TPD52: variants seen among roughly 807,000 people sequenced by gnomAD.
The protein encoded by TPD52 is tumor protein D52.
Under a neutral mutation model 31.3 loss-of-function variants are expected in TPD52, and 17 were observed. The observed-to-expected ratio is 0.54, with a 90% CI of 0.37 to 0.82. The LOEUF (loss-of-function observed/expected upper bound fraction) is 0.82. Among genes scored for constraint, TPD52 ranks in the 40% least tolerant of loss-of-function variants. The pLI is 0.00. For missense variants in TPD52, 212 were observed against 240.1 expected, an observed-to-expected ratio of 0.88 and a Z score of 0.77; for synonymous variants, 83 against 89.6, an observed-to-expected ratio of 0.93 and a Z score of 0.42.
chr8:80,135,187 T>C (rs1809304962), intron 1 of TPD52, among the ~76,000 whole-genome samples: 1 of 152,208 alleles, frequency 6.6e-6, no homozygotes, highest in Non-Finnish European at 1.5e-5. Flanking sequence ...CTAGTCTAGA[T>C]GTACACACGG....
At chr8:80,163,894 TCTTATTATCAA>T (rs769511228) in intron 1 of TPD52, among the ~76,000 whole-genome samples, 13 of 152,080 alleles carry the variant, frequency 8.5e-5, no homozygotes, top group Non-Finnish European at 1.8e-4. Context: ...GTGGTAAAAT[TCTTATTATCAA>T]ATAATATCCA....
At chr8:80,059,206 C>G (rs1486710542) in intron 2 of TPD52, among the ~76,000 whole-genome samples, 1 of 151,862 alleles carries the variant, frequency 6.6e-6, no homozygotes, top group Non-Finnish European at 1.5e-5. Context: ...TTTTAAACAA[C>G]CAATGGGCCA....
chr8:80,126,748 G>A (rs1459298817), intron 1 of TPD52, among the ~76,000 whole-genome samples: 1 of 152,052 alleles, frequency 6.6e-6, no homozygotes, highest in African/African-American at 2.4e-5. Context: ...CTCCCTATGT[G>A]CTGGGATTAC....
chr8:80,135,430 G>GC (rs1262862863), intron 1 of TPD52, among the ~76,000 whole-genome samples: 1 of 151,928 alleles, frequency 6.6e-6, no homozygotes, highest in Non-Finnish European at 1.5e-5. Flanking sequence ...CAGCCTACCT[G>GC]CCCCCCAGGA....
chr8:80,137,233 AC>A (rs1809498017), intron 1 of TPD52, among the ~76,000 whole-genome samples: 1 of 152,252 alleles, frequency 6.6e-6, no homozygotes, highest in African/African-American at 2.4e-5. Flanking sequence ...GTAAATAGAC[AC>A]AGGGTGATGA....
chr8:80,135,213 A>G (rs992578322), intron 1 of TPD52, among the ~76,000 whole-genome samples: 1 of 152,358 alleles, frequency 6.6e-6, no homozygotes, highest in East Asian at 1.9e-4. Context: ...GCCAGAATTG[A>G]ATAGCTAACA....
intron 1 of TPD52, among the ~76,000 whole-genome samples, chr8:80,158,262 C>A (rs922718811): frequency 2.6e-5 from 4 of 151,962 alleles, no homozygotes; most frequent in Admixed American, 2.6e-4. Flanking sequence ...CCTCCCCACC[C>A]CACTCCTCTT....
At chr8:80,105,442 C>G (rs936098545) in intron 1 of TPD52, among the ~76,000 whole-genome samples, 2 of 152,122 alleles carry the variant, frequency 1.3e-5, no homozygotes, top group African/African-American at 4.8e-5. Flanking sequence ...CCGGTACATG[C>G]AGCCCCCAGT....
intron 1 of TPD52, among the ~76,000 whole-genome samples, chr8:80,096,823 A>G (rs1314528852): frequency 6.6e-6 from 1 of 152,148 alleles, no homozygotes; most frequent in East Asian, 1.9e-4. Flanking sequence ...ATGAGACACA[A>G]CAATATGGAA....
intron 1 of TPD52, among the ~76,000 whole-genome samples, chr8:80,076,664 A>G (rs901809420): frequency 7.4e-6 from 1 of 134,568 alleles, no homozygotes; most frequent in Non-Finnish European, 1.6e-5. Context: ...CTGAACCTCA[A>G]ATAAAAGGGT....
At chr8:80,093,195 A>G (rs919950179) in intron 1 of TPD52, among the ~76,000 whole-genome samples, 1 of 152,128 alleles carries the variant, frequency 6.6e-6, no homozygotes, top group African/African-American at 2.4e-5. Flanking sequence ...ATAATAATAA[A>G]CAGAGTCCAG....
rs973952075 is a variant in TPD52, at chr8:80,080,798, A to G, written c.20-16205T>C. 9 of 1,002,738 alleles carry G rather than the reference A, an allele frequency of 9.0e-6. No individual in the cohort carries two copies. The African/African-American group carries it at 1.6e-4, about 17-fold the overall frequency. 62.1% of individuals were successfully genotyped at this position (1,002,738 alleles called of 1,614,324 possible). A position where few individuals can be genotyped will look rare whatever the true frequency, so the allele number is the denominator to read the frequency against. ...GGCAGGGTTCTGCAATATGGCCCAGAGGTACAAACAGTTCAGGCAAACATC... is the reference window on the plus strand; with the variant it reads ...GGCAGGGTTCTGCAATATGGCCCAGGGGTACAAACAGTTCAGGCAAACATC... On this transcript the variant is annotated intron_variant, in intron 1 of 7. Coordinates refer to ENST00000518937, the MANE Select transcript of TPD52 (RefSeq NM_001025253.3).
At position 80,166,485 on chromosome 8, in the gene TPD52, G is replaced by T. The variant is rs528069528; in HGVS notation, c.19+4940C>A. Among the ~76,000 whole-genome samples, 1,408 of 151,728 alleles carry T rather than the reference G, an allele frequency of 9.3e-3. 19 individuals are homozygous for T. The highest frequency in any genetic ancestry group is 0.032 in the African/African-American group (1,326 of 41,476). ...GACCTCAGGTGATCCGCCCGCCTTG[G>T]CCTCCCAAAGTGCTGAGATTACAGG... On this transcript the variant is annotated intron_variant, in intron 1 of 7. Transcript: ENST00000518937.
intron 2 of TPD52, among the ~76,000 whole-genome samples, chr8:80,063,881 A>G (rs1812815384): frequency 7.9e-6 from 1 of 125,986 alleles, no homozygotes; most frequent in African/African-American, 3.0e-5. Flanking sequence ...GTAAGAAGGG[A>G]GGGAAAGGAG....
At chr8:80,063,553 T>C (rs2130675765) in intron 2 of TPD52, among the ~76,000 whole-genome samples, 1 of 152,242 alleles carries the variant, frequency 6.6e-6, no homozygotes, top group East Asian at 1.9e-4. Flanking sequence ...ATCCCAGCAC[T>C]TTGGGAGACC....
intron 1 of TPD52, among the ~76,000 whole-genome samples, chr8:80,146,165 T>C (rs1810179898): frequency 6.6e-6 from 1 of 152,204 alleles, no homozygotes; most frequent in Admixed American, 6.5e-5. Flanking sequence ...TGGCTATACA[T>C]ACACGGAATC....
intron 1 of TPD52, among the ~76,000 whole-genome samples, chr8:80,166,521 C>T (rs1811724600): frequency 6.6e-6 from 1 of 151,696 alleles, no homozygotes; most frequent in African/African-American, 2.4e-5. Context: ...CATGAGCCAC[C>T]ACATGCGGCC....
intron 1 of TPD52, among the ~76,000 whole-genome samples, chr8:80,138,989 A>G (rs1041215702): frequency 2.0e-5 from 3 of 152,160 alleles, no homozygotes; most frequent in Non-Finnish European, 4.4e-5. Context: ...TTCTTCCTCC[A>G]GTGCCTCCAC....
In TPD52 at chr8:80,151,408, C is replaced by T. The variant is rs114681898; in HGVS notation, c.19+20017G>A. Reference sequence around the variant, plus strand: ...TAGGCTTAAAACTTGAAGAAACAGCCGAAGTGATTGTTAAAGTATATTAAA... The same window carrying T: ...TAGGCTTAAAACTTGAAGAAACAGCTGAAGTGATTGTTAAAGTATATTAAA... On this transcript the variant is annotated intron_variant, in intron 1 of 7. Coordinates refer to ENST00000518937, the MANE Select transcript of TPD52 (RefSeq NM_001025253.3). 3.5e-3 allele frequency among the ~76,000 whole-genome samples: 527 copies of T among 152,228 alleles called. 3 individuals are homozygous for T. Among genetic ancestry groups the T allele is most frequent in the African/African-American group, 0.011 (454 of 41,534 alleles).
Sources: allele counts gnomAD v4.1 joint callset (sites outside exome capture counted in the v4.1 genomes callset), GRCh38; gene constraint gnomAD v4.1.1; transcripts MANE v1.5; gene names NCBI Gene and HGNC (gene_info 2026-07-23, HGNC 2026-07-21).